The following GABRB3 variants were observed in gnomAD, a reference collection of about 807,000 sequenced individuals.
GABRB3 encodes the protein gamma-aminobutyric acid type A receptor subunit beta3, also known as gamma-aminobutyric acid receptor subunit beta-3.
In GABRB3, 14 loss-of-function variants were observed where a neutral mutation model predicts 52.1. That is an observed-to-expected ratio of 0.27 (90% CI 0.18 to 0.42). The LOEUF (loss-of-function observed/expected upper bound fraction) is 0.42. Ranked by LOEUF, GABRB3 falls within the 10% of genes least tolerant of loss-of-function variation. The pLI, the probability that GABRB3 is intolerant of heterozygous loss-of-function variation, is 1.00. For synonymous variants in GABRB3, 260 were observed against 232.3 expected (o/e 1.12, Z -1.08); for missense variants, 307 against 609.1 (o/e 0.50, Z 5.22).
At chr15:26,579,920 G>C (rs1031516997) in intron 6 of GABRB3, among the ~76,000 whole-genome samples, 4 of 152,164 alleles carry the variant, frequency 2.6e-5, no homozygotes, top group African/African-American at 9.7e-5. Flanking sequence ...CCCCAGTGGA[G>C]CAAAGGCAGC....
chr15:26,746,946 T>G (rs2140166903), intron 3 of GABRB3, among the ~76,000 whole-genome samples: 1 of 152,238 alleles, frequency 6.6e-6, no homozygotes, highest in Admixed American at 6.5e-5. Flanking sequence ...GAGATCGCAC[T>G]ACTGCACTCC....
At position 26,621,214 on chromosome 15, in the gene GABRB3, T is replaced by C. The variant is rs1347972642; in HGVS notation, c.461+100A>G. ...TGCTTCATAGATGCTTCCTAATTTA[T>C]CTGAGGTCATTGCCTCACTTACAAT... On this transcript the variant is annotated intron_variant, in intron 4 of 8. Coordinates refer to ENST00000311550, the MANE Select transcript of GABRB3 (RefSeq NM_000814.6). This position sits in a 1 kb window ranked among gnomAD's most constrained non-coding sequence, Gnocchi z 4.1. 1 of 960,156 alleles carries C rather than the reference T, an allele frequency of 1.0e-6. No homozygotes were observed. Among genetic ancestry groups the C allele is most frequent in the Non-Finnish European group, 1.7e-6 (1 of 587,038 alleles). The allele number at this position is 960,156 out of a possible 1,614,324, so 59.5% of individuals were successfully genotyped here. A position where few individuals can be genotyped will look rare whatever the true frequency, so the allele number is the denominator to read the frequency against.
intron 6 of GABRB3, among the ~76,000 whole-genome samples, chr15:26,573,520 T>C (rs1890484431): frequency 6.6e-6 from 1 of 152,188 alleles, no homozygotes; most frequent in South Asian, 2.1e-4. Context: ...ACAGGGATGT[T>C]TGTTTCAACA....
intron 3 of GABRB3, among the ~76,000 whole-genome samples, chr15:26,627,376 TA>T: frequency 1.3e-5 from 2 of 148,788 alleles, no homozygotes; most frequent in African/African-American, 4.9e-5. Flanking sequence ...CAAGTTTTAT[TA>T]TTTAAGAAAT....
rs112657892 is a variant in GABRB3, at chr15:26,585,991, T to TTTTG, written c.462-2581_462-2578dup. ...CAATGTTCAAATTTTTTAATTTTCT[T>TTTTG]TTTGTTTGTTTGTTTGTTTGTTTTT... On this transcript the variant is annotated intron_variant, in intron 4 of 8. Transcript: ENST00000311550. 7.0e-4 allele frequency among the ~76,000 whole-genome samples: 107 copies of TTTTG among 152,182 alleles called. 3 individuals are homozygous for TTTTG. The highest frequency in any genetic ancestry group is 2.2e-3 in the African/African-American group (90 of 41,524).
intron 3 of GABRB3, among the ~76,000 whole-genome samples, chr15:26,747,363 G>C (rs1269351153): frequency 6.6e-6 from 1 of 152,120 alleles, no homozygotes; most frequent in Non-Finnish European, 1.5e-5. Flanking sequence ...CATGAAAACG[G>C]GAAGTTTCTC....
intron 3 of GABRB3, among the ~76,000 whole-genome samples, chr15:26,669,053 T>G (rs1222014992): frequency 6.6e-6 from 1 of 152,218 alleles, no homozygotes; most frequent in Non-Finnish European, 1.5e-5. Flanking sequence ...AACTATCTGA[T>G]TCCCCAGAGT....
chr15:26,743,076 C>T (rs1466474818), intron 3 of GABRB3, among the ~76,000 whole-genome samples: 3 of 151,832 alleles, frequency 2.0e-5, no homozygotes, highest in African/African-American at 2.4e-5. Context: ...ATTACAGGCA[C>T]GCACCAACAC....
chr15:26,555,353 C>T (rs868651511), intron 8 of GABRB3, among the ~76,000 whole-genome samples: 39 of 152,060 alleles, frequency 2.6e-4, no homozygotes, highest in African/African-American at 8.9e-4. Context: ...AGGAACTGCA[C>T]AGGGAGAATG....
intron 3 of GABRB3, chr15:26,750,115 T>C (rs1279439390): frequency 6.6e-6 from 1 of 152,252 alleles, no homozygotes; most frequent in Non-Finnish European, 1.5e-5. Context: ...CTTTTGATTG[T>C]ATTCCTGCTT....
intron 3 of GABRB3, among the ~76,000 whole-genome samples, chr15:26,758,466 T>C (rs1458300643): frequency 2.0e-5 from 3 of 152,162 alleles, no homozygotes; most frequent in Non-Finnish European, 4.4e-5. Context: ...CCAAACAGAC[T>C]CATGAGGTAT....
At chr15:26,594,004 A>ATATAT (rs1566764220) in intron 4 of GABRB3, among the ~76,000 whole-genome samples, 1 of 128,334 alleles carries the variant, frequency 7.8e-6, no homozygotes, top group Non-Finnish European at 1.6e-5. Context: ...ATATATATAT[A>ATATAT]ATAGCCATCC....
chr15:26,726,924 A>G (rs900158488), intron 3 of GABRB3, among the ~76,000 whole-genome samples: 2 of 152,138 alleles, frequency 1.3e-5, no homozygotes, highest in Non-Finnish European at 2.9e-5. Context: ...ACTTTGGGAG[A>G]CCGAGGCAGG....
At chr15:26,583,274 G>T in intron 5 of GABRB3, 58 bp downstream of exon 5, 3 of 1,409,458 alleles carry the variant, frequency 2.1e-6, no homozygotes, top group South Asian at 2.3e-5. Context: ...GCTAAATAAT[G>T]ACAAAAGGAT....
intron 3 of GABRB3, among the ~76,000 whole-genome samples, chr15:26,771,337 A>G (rs1209954405): frequency 2.6e-5 from 4 of 152,154 alleles, no homozygotes; most frequent in Non-Finnish European, 4.4e-5. Flanking sequence ...TGGAGTGAGG[A>G]ACTAGCAGGC....
At chr15:26,656,421 T>TA in intron 3 of GABRB3, among the ~76,000 whole-genome samples, 1 of 152,340 alleles carries the variant, frequency 6.6e-6, no homozygotes, top group South Asian at 2.1e-4. Context: ...GCTGCAAACT[T>TA]ACGATTTTTC....
chr15:26,548,259 A>T, intron 8 of GABRB3, 125 bp from the exon 9 acceptor site: 1 of 795,836 alleles, frequency 1.3e-6, no homozygotes, highest in Middle Eastern at 2.2e-4. Flanking sequence ...ACATCTGTCA[A>T]ATCCAGCACT....
intron 8 of GABRB3, among the ~76,000 whole-genome samples, chr15:26,553,029 T>C (rs1567095592): frequency 6.6e-6 from 1 of 152,160 alleles, no homozygotes; most frequent in South Asian, 2.1e-4. Context: ...CTCAATTCGA[T>C]TGTATTAGAA....
chr15:26,710,759 C>A (rs2140129602), intron 3 of GABRB3, among the ~76,000 whole-genome samples: 1 of 151,850 alleles, frequency 6.6e-6, no homozygotes, highest in East Asian at 1.9e-4. Context: ...AGAGTGTGCC[C>A]ATTTTTCAAC....
Sources: allele counts gnomAD v4.1 joint callset (sites outside exome capture counted in the v4.1 genomes callset), GRCh38; gene constraint gnomAD v4.1.1; non-coding constraint Gnocchi (gnomAD v3.1); transcripts MANE v1.5; gene names NCBI Gene and HGNC (gene_info 2026-07-23, HGNC 2026-07-21).